Variants in ZNF385C observed in about 807,000 individuals in gnomAD.
ZNF385C encodes the protein CTD-2132N18.2.
ZNF385C carries 28 observed loss-of-function variants against 35.4 expected under a neutral mutation model. The observed-to-expected ratio is 0.79, with a 90% confidence interval of 0.59 to 1.08. The LOEUF is 1.08. Among genes scored for constraint, ZNF385C ranks in the 50% least tolerant of loss-of-function variants. The probability of loss-of-function intolerance (pLI) is 0.00; values close to 1 mark genes in which losing one functional copy is unlikely to be tolerated. For synonymous variants in ZNF385C, 248 were observed against 248.2 expected (o/e 1.00, Z 0.01); for missense variants, 605 against 595.6 (o/e 1.02, Z -0.16).
At chr17:42,097,858 C>A (rs1467234123) in intron 1 of ZNF385C, among the ~76,000 whole-genome samples, 1 of 152,208 alleles carries the variant, frequency 6.6e-6, no homozygotes. Context: ...GTTCCCTAGG[C>A]CATCGGGGTA....
intron 1 of ZNF385C, among the ~76,000 whole-genome samples, chr17:42,072,164 G>T (rs781993773): frequency 1.3e-5 from 2 of 152,146 alleles, no homozygotes; most frequent in African/African-American, 4.8e-5. Context: ...TCTCAGTGTT[G>T]ATAGGGGTGG....
chr17:42,076,359 C>T (rs112777897), intron 1 of ZNF385C, among the ~76,000 whole-genome samples: 2 of 152,306 alleles, frequency 1.3e-5, no homozygotes, highest in African/African-American at 2.4e-5. Context: ...CGGTGGCTCA[C>T]GCCTGTAATC....
chr17:42,081,775 C>G (rs555635912), intron 1 of ZNF385C, among the ~76,000 whole-genome samples: 5 of 152,266 alleles, frequency 3.3e-5, no homozygotes, highest in African/African-American at 1.2e-4. Context: ...AGCCTCATGC[C>G]CAGCAGGCTT....
chr17:42,030,796 G>A (rs2143536158), intron 5 of ZNF385C, among the ~76,000 whole-genome samples: 1 of 152,298 alleles, frequency 6.6e-6, no homozygotes, highest in South Asian at 2.1e-4. Context: ...AAAAGAGCTT[G>A]TGGAAACACA....
chr17:42,051,993 C>T (rs1289500159), intron 2 of ZNF385C, among the ~76,000 whole-genome samples: 1 of 152,184 alleles, frequency 6.6e-6, no homozygotes, highest in Non-Finnish European at 1.5e-5. Context: ...ACAGCTGCCC[C>T]CGAGTGGCAC....
At chr17:42,092,481 T>C (rs2053872932) in intron 1 of ZNF385C, among the ~76,000 whole-genome samples, 1 of 152,186 alleles carries the variant, frequency 6.6e-6, no homozygotes, top group African/African-American at 2.4e-5. Context: ...CAAAGTTCTG[T>C]ACAAAATCAG....
At chr17:42,046,275 C>A (rs375628956) in intron 2 of ZNF385C, among the ~76,000 whole-genome samples, 1 of 152,016 alleles carries the variant, frequency 6.6e-6, no homozygotes, top group African/African-American at 2.4e-5. Flanking sequence ...ACACAGATAC[C>A]TCTCAGTAAA....
intron 2 of ZNF385C, among the ~76,000 whole-genome samples, chr17:42,044,373 T>C (rs1407879193): frequency 1.3e-5 from 2 of 149,052 alleles, no homozygotes; most frequent in Admixed American, 6.7e-5. Flanking sequence ...TCCCAGCACT[T>C]TGGGAGGCCG....
At chr17:42,064,600 C>G (rs1235032565) in intron 1 of ZNF385C, among the ~76,000 whole-genome samples, 1 of 152,120 alleles carries the variant, frequency 6.6e-6, no homozygotes, top group Admixed American at 6.6e-5. Context: ...CGCTGTGTCA[C>G]CCAGGCTGTA....
intron 1 of ZNF385C, among the ~76,000 whole-genome samples, chr17:42,076,093 T>C (rs2053681506): frequency 1.3e-5 from 2 of 152,100 alleles, no homozygotes; most frequent in Non-Finnish European, 2.9e-5. Flanking sequence ...CTTAGCCTAT[T>C]GAAATCATTC....
Position 42,026,962 on chromosome 17 carries a change from G to C in ZNF385C, c.1447C>G (p.Leu483Val), listed in dbSNP as rs1555654246. The C allele has an allele frequency of 6.2e-7, 1 of 1,611,988 alleles. No individual in the cohort carries two copies. Among genetic ancestry groups the C allele is most frequent in the Non-Finnish European group, 8.5e-7 (1 of 1,178,870 alleles). Residue 483 changes from leucine (L) to valine (V), a missense_variant, in exon 9 of 9, where the codon CTG (leucine) becomes GTG (valine). Coordinates refer to ENST00000692273, the MANE Select transcript of ZNF385C (RefSeq NM_001392013.1). ...LFPAPILGPA[L>V]FRTPAGAVRP... is the part of the protein sequence containing the mutation. The stretch of plus-strand genomic sequence containing the variant: ...ACAGCTCCTGCTGGGGTGCGAAACA[G>C]AGCTGGGCCCAGGATGGGAGCCGGG...
chr17:42,033,096 T>C (rs1829361081), intron 4 of ZNF385C, among the ~76,000 whole-genome samples: 4 of 152,114 alleles, frequency 2.6e-5, no homozygotes, highest in Admixed American at 1.3e-4. Context: ...TCTGTCAGTG[T>C]CCTCCCTCCA....
chr17:42,042,909 C>A, intron 2 of ZNF385C: 1 of 1,232,458 alleles, frequency 8.1e-7, no homozygotes, highest in Non-Finnish European at 1.0e-6. Flanking sequence ...ACAGGTTGAA[C>A]CTCTGCAGCT....
intron 2 of ZNF385C, among the ~76,000 whole-genome samples, chr17:42,053,997 T>A (rs570871711): frequency 1.3e-5 from 2 of 152,292 alleles, no homozygotes; most frequent in African/African-American, 4.8e-5. Context: ...AGCAGCGTCG[T>A]TCCTGGGCCC....
At position 42,028,977 on chromosome 17, in the gene ZNF385C, G is replaced by T; in HGVS notation, c.773C>A (p.Ala258Asp). The T allele has an allele frequency of 6.4e-7, 1 of 1,550,624 alleles. No homozygotes were observed. ...EPAHSELLDA[A>D]SSSSSSSCPP... Reference sequence around the variant, plus strand: ...GCAGGAGGAAGAAGAGGATGAGGAGGCAGCATCCAAGAGCTCTGAGTGGGC... The same window carrying T: ...GCAGGAGGAAGAAGAGGATGAGGAGTCAGCATCCAAGAGCTCTGAGTGGGC... The change falls in exon 6 of 9, where the codon GCC (alanine) becomes GAC (aspartate). Residue 258 changes from alanine to aspartate, a missense_variant. By Grantham distance (126) the Ala-to-Asp change is moderately radical. Coordinates refer to ENST00000692273, the MANE Select transcript of ZNF385C (RefSeq NM_001392013.1).
At chr17:42,087,409 C>T (rs1302706455) in intron 1 of ZNF385C, among the ~76,000 whole-genome samples, 1 of 152,176 alleles carries the variant, frequency 6.6e-6, no homozygotes, top group African/African-American at 2.4e-5. Flanking sequence ...TACAACCAGG[C>T]AGCTGATTTA....
intron 1 of ZNF385C, among the ~76,000 whole-genome samples, chr17:42,072,674 C>T (rs941253209): frequency 2.6e-5 from 4 of 152,120 alleles, no homozygotes; most frequent in Admixed American, 6.5e-5. Flanking sequence ...ACAGCGTCTC[C>T]GAGCCCGCCC....
At chr17:42,035,936 C>T (rs2052846839) in intron 3 of ZNF385C, among the ~76,000 whole-genome samples, 1 of 152,026 alleles carries the variant, frequency 6.6e-6, no homozygotes, top group African/African-American at 2.4e-5. Context: ...CAAGTGGAGG[C>T]CTAAGGTTCC....
chr17:42,029,739 A>C (rs1555654797), intron 5 of ZNF385C, among the ~76,000 whole-genome samples: 6 of 151,564 alleles, frequency 4.0e-5, no homozygotes, highest in African/African-American at 1.5e-4. Context: ...AACAAAAAAA[A>C]CACAGTGGTA....
Sources: gnomAD v4.1 joint callset for allele counts (sites outside exome capture counted in the v4.1 genomes callset) on GRCh38, gnomAD v4.1.1 for gene constraint, MANE v1.5 for transcripts, NCBI Gene and HGNC (gene_info 2026-07-23, HGNC 2026-07-21) for gene names.